Variants in KCNJ13 observed in about 807,000 individuals in gnomAD.
The protein encoded by KCNJ13 is inward rectifier potassium channel 13.
A neutral mutation model predicts 24.6 loss-of-function variants in KCNJ13; 9 were observed. The observed-to-expected ratio is 0.37, with a 90% CI of 0.22 to 0.64. KCNJ13 has a LOEUF of 0.64. KCNJ13 is among the 30% of genes least tolerant of loss of function. KCNJ13 has a pLI of 0.64. For missense variants in KCNJ13, 337 were observed against 443.8 expected (o/e 0.76, Z 2.16); for synonymous variants, 148 against 154.7 (o/e 0.96, Z 0.32).
chr2:232,767,781 C>T lies in KCNJ13; in HGVS notation c.*410G>A. On this transcript the variant is annotated 3_prime_UTR_variant, in exon 3 of 3. Transcript: ENST00000233826. ...ACTAAGTATAGTGAAGTCGTCATTC[C>T]ACCCAGGGAGCTAGGTTTGAAACTA... 4.5e-6 allele frequency: 1 copy of T among 223,654 alleles called. No individual in the cohort carries two copies. The highest frequency in any genetic ancestry group is 6.4e-5 in the South Asian group (1 of 15,510). 13.9% of individuals were successfully genotyped at this position (223,654 alleles called of 1,614,324 possible).
chr2:232,775,272 A>G (rs1455705582), intron 1 of KCNJ13, among the ~76,000 whole-genome samples: 2 of 152,162 alleles, frequency 1.3e-5, no homozygotes, highest in East Asian at 1.9e-4. Flanking sequence ...TGTTGGTTAC[A>G]TAGCTGTGTC....
At chr2:232,771,477 C>T in intron 1 of KCNJ13, 99 bp from the exon 2 acceptor site, 1 of 719,408 alleles carries the variant, frequency 1.4e-6, no homozygotes, top group South Asian at 2.1e-5. Flanking sequence ...GGGAATGCTT[C>T]TCTAACCACA....
chr2:232,773,481 T>A (rs1467968046), intron 1 of KCNJ13, among the ~76,000 whole-genome samples: 1 of 152,124 alleles, frequency 6.6e-6, no homozygotes, highest in Non-Finnish European at 1.5e-5. Flanking sequence ...TTTTTTTTTT[T>A]AATACAGGAA....
chr2:232,769,762 T>A (rs1397202301), intron 2 of KCNJ13, among the ~76,000 whole-genome samples: 1 of 152,128 alleles, frequency 6.6e-6, no homozygotes, highest in Admixed American at 6.6e-5. Flanking sequence ...GAATTATGTT[T>A]TAAGTGCTTA....
intron 2 of KCNJ13, among the ~76,000 whole-genome samples, chr2:232,769,230 A>G (rs1419307680): frequency 6.6e-6 from 1 of 152,170 alleles, no homozygotes; most frequent in East Asian, 1.9e-4. Flanking sequence ...GAGGGGACCA[A>G]TAGAATGAGT....
At position 232,776,288 on chromosome 2, in the gene KCNJ13, G is replaced by A; in HGVS notation, c.-17+157C>T. The A allele has an allele frequency of 5.9e-6, 3 of 512,394 alleles. No individual in the cohort carries two copies. The South Asian group carries it at 1.2e-4, about 20-fold the overall frequency. 31.7% of individuals were successfully genotyped at this position (512,394 alleles called of 1,614,324 possible). On this transcript the variant is annotated intron_variant, in intron 1 of 2. Coordinates refer to ENST00000233826, the MANE Select transcript of KCNJ13 (RefSeq NM_002242.4). ...TGTTATTGCATTTTTAAGATTTAAG[G>A]GAAAAGAATATAGAAACCTTACTAT...
intron 2 of KCNJ13, 33 bp from the exon 3 acceptor site, chr2:232,768,846 T>C (rs145004975): frequency 6.4e-7 from 1 of 1,567,570 alleles, no homozygotes; most frequent in South Asian, 1.1e-5. Flanking sequence ...TTTTTTAGAA[T>C]GAAGACTTTA....
chr2:232,770,916 C>T lies in KCNJ13; in HGVS notation c.447G>A (p.Glu149=). Residue 149 remains glutamate, a synonymous_variant, in exon 2 of 3, where the codon GAG becomes GAA. Transcript: ENST00000233826. ...AIQMLLGLML[E]AFITGAFVAK... ...AGACAAAATTACCTGTGATAAAAGC[C>T]TCTAGCATGAGGCCTAGGAGCATTT... 6.2e-7 allele frequency: 1 copy of T among 1,612,756 alleles called. No homozygotes were observed. The highest frequency in any genetic ancestry group is 8.5e-7 in the Non-Finnish European group (1 of 1,179,014).
At chr2:232,771,497 ACT>A (rs1277282176) in intron 1 of KCNJ13, 119 bp from the exon 2 acceptor site, 12 of 594,502 alleles carry the variant, frequency 2.0e-5, no homozygotes, top group African/African-American at 5.6e-5. Flanking sequence ...AACTTTGCCA[ACT>A]CTCTCGCTTT....
Position 232,768,042 on chromosome 2 carries a change from C to T in KCNJ13, c.*149G>A. ...ATGTTTCCAGAATGTGTATTGTTAGCTCAGCCATTCTTATGTAGGCATAGG... is the reference window on the plus strand; with the variant it reads ...ATGTTTCCAGAATGTGTATTGTTAGTTCAGCCATTCTTATGTAGGCATAGG... On this transcript the variant is annotated 3_prime_UTR_variant, in exon 3 of 3. Transcript: ENST00000233826. 1.4e-6 allele frequency: 1 copy of T among 726,362 alleles called. No individual in the cohort carries two copies. The highest frequency in any genetic ancestry group is 2.6e-5 in the Admixed American group (1 of 39,036). The allele number at this position is 726,362 out of a possible 1,614,324, so 45.0% of individuals were successfully genotyped here.
At chr2:232,772,527 A>G (rs1328345274) in intron 1 of KCNJ13, among the ~76,000 whole-genome samples, 3 of 152,200 alleles carry the variant, frequency 2.0e-5, no homozygotes, top group Admixed American at 6.5e-5. Context: ...TTCTGCTGCA[A>G]ACAGTTTTCA....
Position 232,768,417 on chromosome 2 carries a change from G to A in KCNJ13, c.857C>T (p.Thr286Ile). The change falls in exon 3 of 3, where the codon ACA becomes ATA. Residue 286 changes from threonine to isoleucine, a missense_variant. By Grantham distance (89) the Thr-to-Ile change is moderately conservative. Around this residue, in one of 3 missense-constraint regions of KCNJ13, gnomAD observed 235 missense variants for 286.9 expected, o/e 0.82. Coordinates refer to ENST00000233826, the MANE Select transcript of KCNJ13 (RefSeq NM_002242.4). Reference sequence around the variant, plus strand: ...CATGATTTCAGACGGTAGGTAGGATGTCCTCCTTTGGCATATTTCTCCAGT... The same window carrying A: ...CATGATTTCAGACGGTAGGTAGGATATCCTCCTTTGGCATATTTCTCCAGT... The part of the protein sequence containing the change: ...EGTGEICQRR[T>I]SYLPSEIMLH... 1.2e-6 allele frequency: 2 copies of A among 1,614,164 alleles called. No individual in the cohort carries two copies. The highest frequency in any genetic ancestry group is 1.7e-6 in the Non-Finnish European group (2 of 1,179,982).
chr2:232,771,116 C>T lies in KCNJ13; in HGVS notation c.247G>A (p.Gly83Ser), dbSNP rs1313340677. 1 of 1,613,998 alleles carries T rather than the reference C, an allele frequency of 6.2e-7. No homozygotes were observed. Among genetic ancestry groups the T allele is most frequent in the Admixed American group, 1.7e-5 (1 of 59,980 alleles). ...VLWYVLAEMNGDLELDHDAPP... is the reference protein window; with the variant it reads ...VLWYVLAEMNSDLELDHDAPP... ...GCATCATGATCTAGTTCCAGATCAC[C>T]ATTCATCTCAGCCAGAACATACCAG... The change falls in exon 2 of 3, where the codon GGT becomes AGT. Residue 83 changes from glycine (G) to serine (S), a missense_variant. By Grantham distance (56) the Gly-to-Ser change is moderately conservative. Coordinates refer to ENST00000233826, the MANE Select transcript of KCNJ13 (RefSeq NM_002242.4).
In KCNJ13 at chr2:232,768,482, G is replaced by A. The variant is rs1159464051; in HGVS notation, c.792C>T (p.His264=). Residue 264 remains histidine (H), a synonymous_variant, in exon 3 of 3, where the codon CAC becomes CAT. Transcript: ENST00000233826. ...CTGAAAGGAATACAACTAATTCAAA[G>A]TGAGAAGGATTTTCATGCTGGAGCA... ...ATLLQHENPS[H]FELVVFLSAM... is the part of the protein sequence containing the mutation. The A allele has an allele frequency of 6.2e-7, 1 of 1,614,102 alleles. No individual in the cohort carries two copies. The highest frequency in any genetic ancestry group is 2.2e-5 in the East Asian group (1 of 44,904).
chr2:232,772,414 A>T (rs992736356), intron 1 of KCNJ13, among the ~76,000 whole-genome samples: 1 of 152,246 alleles, frequency 6.6e-6, no homozygotes, highest in Admixed American at 6.5e-5. Flanking sequence ...TAGCTTTAAA[A>T]GTAAGTAAAC....
Position 232,767,876 on chromosome 2 carries a change from A to G in KCNJ13, c.*315T>C. 1 of 335,780 alleles carries G rather than the reference A, an allele frequency of 3.0e-6. No individual in the cohort carries two copies. The highest frequency in any genetic ancestry group is 5.6e-6 in the Non-Finnish European group (1 of 178,624). 20.8% of individuals were successfully genotyped at this position (335,780 alleles called of 1,614,324 possible). A position where few individuals can be genotyped will look rare whatever the true frequency, so the allele number is the denominator to read the frequency against. Reference sequence around the variant, plus strand: ...GATTTTCTTAGAGTTCAGTTGTGTTAAACTTCACTGTCCATTTTGCCTTCA... The same window carrying G: ...GATTTTCTTAGAGTTCAGTTGTGTTGAACTTCACTGTCCATTTTGCCTTCA... On this transcript the variant is annotated 3_prime_UTR_variant, in exon 3 of 3. Transcript: ENST00000233826.
Position 232,771,107 on chromosome 2 carries a change from C to G in KCNJ13, c.256G>C (p.Glu86Gln). The change falls in exon 2 of 3, where the codon GAA becomes CAA. Residue 86 changes from glutamate to glutamine, a missense_variant. By Grantham distance (29) the Glu-to-Gln change is conservative. This residue lies in a region of KCNJ13 where 101 missense variants were observed against 139.2 expected (regional missense o/e 0.73). Transcript: ENST00000233826. ...TCAGGTGGGGCATCATGATCTAGTT[C>G]CAGATCACCATTCATCTCAGCCAGA... The part of the protein sequence containing the change: ...YVLAEMNGDL[E>Q]LDHDAPPENH... The G allele has an allele frequency of 1.2e-6, 2 of 1,614,036 alleles. No homozygotes were observed. Among genetic ancestry groups the G allele is most frequent in the East Asian group, 2.2e-5 (1 of 44,872 alleles).
chr2:232,773,725 C>T lies in KCNJ13; in HGVS notation c.-16-2347G>A, dbSNP rs150959235. On this transcript the variant is annotated intron_variant, in intron 1 of 2. Coordinates refer to ENST00000233826, the MANE Select transcript of KCNJ13 (RefSeq NM_002242.4). The stretch of plus-strand genomic sequence containing the variant: ...CATGTGCCAGGAATCATACCAAATA[C>T]TTCATATGTACAAACTGATGTGAAG... Among the ~76,000 whole-genome samples the T allele has an allele frequency of 3.9e-3, 587 of 151,770 alleles. 7 individuals are homozygous for T. The highest frequency in any genetic ancestry group is 0.014 in the Middle Eastern group (4 of 292).
At position 232,766,448 on chromosome 2, in the gene KCNJ13, G is replaced by GA. The variant is rs746052279; in HGVS notation, c.*1742dup. 229 of 153,384 alleles carry GA rather than the reference G, an allele frequency of 1.5e-3. 5 individuals are homozygous for GA. The highest frequency in any genetic ancestry group is 2.9e-3 in the Non-Finnish European group (197 of 68,906). 9.5% of individuals were successfully genotyped at this position (153,384 alleles called of 1,614,324 possible). On this transcript the variant is annotated 3_prime_UTR_variant, in exon 3 of 3. Transcript: ENST00000233826. ...TGTGTAAGTGATGTAGTGCCTTTAG[G>GA]AAAAAACATACCATGTAAGTCTTCA...
Sources: gnomAD v4.1 joint callset for allele counts (sites outside exome capture counted in the v4.1 genomes callset) on GRCh38, gnomAD v4.1.1 for gene constraint, gnomAD v4.1.1 regional missense constraint, MANE v1.5 for transcripts, NCBI Gene and HGNC (gene_info 2026-07-23, HGNC 2026-07-21) for gene names.